The following GABRB1 variants were observed in gnomAD, a reference collection of about 807,000 sequenced individuals.
GABRB1 encodes the protein gamma-aminobutyric acid type A receptor subunit beta1.
In GABRB1, 17 loss-of-function variants were observed where a neutral mutation model predicts 51.6. That is an observed-to-expected ratio of 0.33 (90% CI 0.23 to 0.49). The LOEUF is 0.49. GABRB1 is among the 20% of genes least tolerant of loss of function. The probability of loss-of-function intolerance (pLI) is 0.99; values close to 1 mark genes in which losing one functional copy is unlikely to be tolerated. For synonymous variants in GABRB1, 247 were observed against 218.9 expected (o/e 1.13, Z -1.14); for missense variants, 410 against 600.6 (o/e 0.68, Z 3.32).
intron 4 of GABRB1, among the ~76,000 whole-genome samples, chr4:47,181,437 A>C (rs1471400796): frequency 1.3e-5 from 2 of 152,032 alleles, no homozygotes; most frequent in Non-Finnish European, 2.9e-5. Context: ...TGGAAATGTT[A>C]ATTATATGTA....
intron 3 of GABRB1, among the ~76,000 whole-genome samples, chr4:47,095,886 G>T (rs1410979194): frequency 2.0e-5 from 3 of 152,088 alleles, no homozygotes; most frequent in African/African-American, 7.2e-5. Context: ...TTTATCTTGG[G>T]CATTAAAAAC....
intron 3 of GABRB1, among the ~76,000 whole-genome samples, chr4:47,105,799 T>C (rs1436493464): frequency 6.6e-6 from 1 of 152,096 alleles, no homozygotes. Context: ...CCAATATTCC[T>C]CATAAGAACT....
intron 4 of GABRB1, among the ~76,000 whole-genome samples, chr4:47,274,461 A>C (rs1052308526): frequency 6.6e-6 from 1 of 152,138 alleles, no homozygotes; most frequent in African/African-American, 2.4e-5. Context: ...GGAAAGATAA[A>C]ATTATCTATA....
At chr4:47,154,993 A>G (rs1045888185) in intron 3 of GABRB1, among the ~76,000 whole-genome samples, 6 of 151,990 alleles carry the variant, frequency 3.9e-5, no homozygotes, top group African/African-American at 1.4e-4. Context: ...CTAACAAGCA[A>G]ATTCCTGAGA....
At chr4:47,383,423 G>A (rs1467584771) in intron 5 of GABRB1, among the ~76,000 whole-genome samples, 1 of 152,026 alleles carries the variant, frequency 6.6e-6, no homozygotes, top group Admixed American at 6.6e-5. Flanking sequence ...TTGGGTAGCA[G>A]CTCTCAATAA....
intron 4 of GABRB1, among the ~76,000 whole-genome samples, chr4:47,239,711 C>T (rs920725275): frequency 1.3e-5 from 2 of 152,208 alleles, no homozygotes; most frequent in African/African-American, 4.8e-5. Context: ...AGTCAACCCT[C>T]TCCTCAGAAG....
chr4:47,020,998 G>T (rs1440889384), intron 1 of GABRB1, among the ~76,000 whole-genome samples: 1 of 152,112 alleles, frequency 6.6e-6, no homozygotes, highest in Non-Finnish European at 1.5e-5. Context: ...AGTGCTCTTT[G>T]TCAACATATT....
chr4:47,092,821 G>A (rs1728385258), intron 3 of GABRB1, among the ~76,000 whole-genome samples: 1 of 151,946 alleles, frequency 6.6e-6, no homozygotes. Context: ...CGCCATCTTG[G>A]CCAGGCTGCT....
chr4:47,178,174 C>A (rs957717141), intron 4 of GABRB1, among the ~76,000 whole-genome samples: 3 of 152,006 alleles, frequency 2.0e-5, no homozygotes, highest in Admixed American at 6.6e-5. Flanking sequence ...TCATTGAGAT[C>A]ATTAAATGAG....
At chr4:47,057,266 A>C (rs1447310688) in intron 3 of GABRB1, among the ~76,000 whole-genome samples, 2 of 152,212 alleles carry the variant, frequency 1.3e-5, no homozygotes, top group Non-Finnish European at 2.9e-5. Context: ...TCTTGTAAAA[A>C]AGGACATGGT....
chr4:47,131,860 C>G (rs1176093331), intron 3 of GABRB1, among the ~76,000 whole-genome samples: 1 of 152,034 alleles, frequency 6.6e-6, no homozygotes, highest in African/African-American at 2.4e-5. Flanking sequence ...TATCTGAGAA[C>G]CATTACTAAT....
intron 4 of GABRB1, among the ~76,000 whole-genome samples, chr4:47,301,453 A>G (rs2109938679): frequency 6.8e-6 from 1 of 146,302 alleles, no homozygotes; most frequent in Non-Finnish European, 1.6e-5. Flanking sequence ...CCTGGACAAC[A>G]TAGTGAGATC....
chr4:47,034,135 A>C (rs964796459), intron 3 of GABRB1, among the ~76,000 whole-genome samples: 6 of 152,186 alleles, frequency 3.9e-5, no homozygotes, highest in African/African-American at 1.4e-4. Flanking sequence ...ATAATTGATA[A>C]AATAGAAGAT....
chr4:47,282,051 T>TA (rs1356691755), intron 4 of GABRB1, among the ~76,000 whole-genome samples: 3 of 150,536 alleles, frequency 2.0e-5, no homozygotes, highest in African/African-American at 4.9e-5. Flanking sequence ...TTCTCATCAT[T>TA]AAAAAAAGAT....
intron 4 of GABRB1, among the ~76,000 whole-genome samples, chr4:47,294,949 C>T (rs377160189): frequency 4.2e-4 from 64 of 152,272 alleles, no homozygotes; most frequent in South Asian, 1.5e-3. Flanking sequence ...TCGTGGTTCA[C>T]GAAAATCCGC....
chr4:47,397,846 T>C (rs1386176210), intron 5 of GABRB1, among the ~76,000 whole-genome samples: 2 of 152,176 alleles, frequency 1.3e-5, no homozygotes, highest in East Asian at 3.8e-4. Flanking sequence ...GTGCTAGGAT[T>C]ACAGGTGTGA....
At chr4:47,039,830 A>G (rs4629419) in intron 3 of GABRB1, among the ~76,000 whole-genome samples, 53 of 152,202 alleles carry the variant, frequency 3.5e-4, no homozygotes, top group African/African-American at 1.1e-3. Context: ...TAAAAGGCAC[A>G]GGGAGGATTG....
intron 4 of GABRB1, among the ~76,000 whole-genome samples, chr4:47,179,646 ATGTTT>A (rs1718861762): frequency 6.6e-6 from 1 of 152,118 alleles, no homozygotes. Context: ...CCTATATAGT[ATGTTT>A]TAAGGAAAGT....
At chr4:47,339,254 T>C (rs1002116633) in intron 5 of GABRB1, among the ~76,000 whole-genome samples, 1 of 152,170 alleles carries the variant, frequency 6.6e-6, no homozygotes, top group African/African-American at 2.4e-5. Context: ...CTGTTTTGGA[T>C]AGGGAAGTTA....
Sources: gnomAD v4.1 joint callset for allele counts (sites outside exome capture counted in the v4.1 genomes callset) on GRCh38, gnomAD v4.1.1 for gene constraint, MANE v1.5 for transcripts, NCBI Gene and HGNC (gene_info 2026-07-23, HGNC 2026-07-21) for gene names.